Variants in FAF1 observed in about 807,000 individuals in gnomAD.
FAF1 encodes the protein Fas associated factor 1, also known as FAS-associated factor 1.
FAF1 carries 25 observed loss-of-function variants against 92.5 expected under a neutral mutation model. The ratio of observed to expected loss-of-function variants is 0.27; its 90% CI spans 0.20 to 0.38. The LOEUF (loss-of-function observed/expected upper bound fraction) is 0.38, where lower values mean the gene tolerates loss of function less well. Among genes scored for constraint, FAF1 ranks in the 10% least tolerant of loss-of-function variants. The probability of loss-of-function intolerance (pLI) is 1.00; values close to 1 mark genes in which losing one functional copy is unlikely to be tolerated. For missense variants in FAF1, 636 were observed against 793.3 expected (o/e 0.80, Z 2.38); for synonymous variants, 234 against 273.2 (o/e 0.86, Z 1.42).
chr1:50,530,604 T>C (rs2149035158), intron 15 of FAF1, among the ~76,000 whole-genome samples: 1 of 152,234 alleles, frequency 6.6e-6, no homozygotes, highest in Admixed American at 6.5e-5. Flanking sequence ...CAATGATAAC[T>C]TAATTGTATA....
intron 12 of FAF1, among the ~76,000 whole-genome samples, chr1:50,568,315 T>C (rs1455071956): frequency 6.6e-6 from 1 of 152,066 alleles, no homozygotes; most frequent in African/African-American, 2.4e-5. Flanking sequence ...AAGAATGTGA[T>C]GACAGCAAAT....
At chr1:50,627,211 C>T (rs1336974359) in intron 8 of FAF1, among the ~76,000 whole-genome samples, 1 of 151,940 alleles carries the variant, frequency 6.6e-6, no homozygotes, top group East Asian at 1.9e-4. Flanking sequence ...ATAAAGAATA[C>T]CTAGGAAGAA....
intron 12 of FAF1, among the ~76,000 whole-genome samples, chr1:50,575,069 C>T (rs534968857): frequency 1.5e-3 from 233 of 151,766 alleles, no homozygotes; most frequent in Non-Finnish European, 1.9e-3. Flanking sequence ...CCACCACGCC[C>T]GGCTAATTTT....
At position 50,632,624 on chromosome 1, in the gene FAF1, T is replaced by A. The variant is rs200384817; in HGVS notation, c.744+22818A>T. On this transcript the variant is annotated intron_variant, in intron 8 of 18. Coordinates refer to ENST00000396153, the MANE Select transcript of FAF1 (RefSeq NM_007051.3). Reference sequence around the variant, plus strand: ...AAATGCTTCCTATCTCCCAGCAGATTCGCATGGTTCAATTTGGGGTAGTGT... The same window carrying A: ...AAATGCTTCCTATCTCCCAGCAGATACGCATGGTTCAATTTGGGGTAGTGT... 1.5e-3 allele frequency among the ~76,000 whole-genome samples: 223 copies of A among 152,310 alleles called. 1 individual carries two copies. The highest frequency in any genetic ancestry group is 5.8e-3 in the Admixed American group (89 of 15,292).
At chr1:50,696,621 T>C (rs1338118528) in intron 7 of FAF1, among the ~76,000 whole-genome samples, 1 of 152,226 alleles carries the variant, frequency 6.6e-6, no homozygotes, top group African/African-American at 2.4e-5. Context: ...GGATACCATA[T>C]ATCTCTGGAT....
At chr1:50,603,184 T>G (rs1157291772) in intron 8 of FAF1, among the ~76,000 whole-genome samples, 2 of 152,224 alleles carry the variant, frequency 1.3e-5, no homozygotes, top group Non-Finnish European at 1.5e-5. Context: ...TTTCTTTGGC[T>G]TAATTAAAAC....
At chr1:50,909,727 A>T (rs1047314810) in intron 1 of FAF1, among the ~76,000 whole-genome samples, 11 of 152,144 alleles carry the variant, frequency 7.2e-5, no homozygotes. Flanking sequence ...CAGCTTCATC[A>T]GGTCATTTAA....
chr1:50,704,819 T>C (rs191443012), intron 7 of FAF1, among the ~76,000 whole-genome samples: 3 of 152,246 alleles, frequency 2.0e-5, no homozygotes, highest in Admixed American at 2.0e-4. Context: ...TCATGTCAAA[T>C]TCAGAAGCTG....
In FAF1 at chr1:50,500,509, A is replaced by G. The variant is rs148569163; in HGVS notation, c.1495-8708T>C. Among the ~76,000 whole-genome samples the G allele has an allele frequency of 3.4e-3, 521 of 152,296 alleles. 1 individual carries two copies. Among genetic ancestry groups the G allele is most frequent in the African/African-American group, 0.012 (502 of 41,576 alleles). ...CTTCAATACATACATCACACTATAT[A>G]CAAAATTTAACTGAAGTGGATCATA... On this transcript the variant is annotated intron_variant, in intron 15 of 18. Coordinates refer to ENST00000396153, the MANE Select transcript of FAF1 (RefSeq NM_007051.3).
chr1:50,862,488 T>G (rs747567862), intron 1 of FAF1, among the ~76,000 whole-genome samples: 1 of 151,824 alleles, frequency 6.6e-6, no homozygotes, highest in East Asian at 1.9e-4. Flanking sequence ...CACAGTCAGA[T>G]AGAGGAATAA....
intron 1 of FAF1, among the ~76,000 whole-genome samples, chr1:50,894,148 A>T (rs1420249106): frequency 1.3e-5 from 2 of 151,796 alleles, no homozygotes; most frequent in Admixed American, 1.3e-4. Flanking sequence ...AAAATATAAA[A>T]ATTAGCCAGG....
intron 2 of FAF1, among the ~76,000 whole-genome samples, chr1:50,805,227 G>T (rs2124597562): frequency 6.6e-6 from 1 of 152,226 alleles, no homozygotes; most frequent in African/African-American, 2.4e-5. Flanking sequence ...AGAACATCTT[G>T]CCTTGACCTA....
chr1:50,753,961 T>C (rs2124514682), intron 4 of FAF1, among the ~76,000 whole-genome samples: 1 of 152,164 alleles, frequency 6.6e-6, no homozygotes, highest in Admixed American at 6.5e-5. Flanking sequence ...TTTCAACACG[T>C]TGGCCAGGCT....
intron 7 of FAF1, among the ~76,000 whole-genome samples, chr1:50,684,921 G>C (rs989167424): frequency 6.6e-6 from 1 of 152,164 alleles, no homozygotes; most frequent in Non-Finnish European, 1.5e-5. Context: ...TAGGCTATAA[G>C]ATGGCCTAAA....
At chr1:50,674,952 G>A (rs867972387) in intron 7 of FAF1, among the ~76,000 whole-genome samples, 32 of 151,748 alleles carry the variant, frequency 2.1e-4, no homozygotes, top group African/African-American at 7.3e-4. Context: ...GTGCAGTGGC[G>A]CGATCTTGGC....
chr1:50,944,835 A>G (rs559142207), intron 1 of FAF1, among the ~76,000 whole-genome samples: 3 of 152,290 alleles, frequency 2.0e-5, no homozygotes, highest in South Asian at 4.2e-4. Flanking sequence ...AAGAAACATC[A>G]TGCCTAAAAT....
At chr1:50,690,483 C>G (rs1656870403) in intron 7 of FAF1, among the ~76,000 whole-genome samples, 2 of 151,986 alleles carry the variant, frequency 1.3e-5, no homozygotes, top group Admixed American at 6.6e-5. Context: ...CGTCTGTAAT[C>G]CCAGCTATTC....
At chr1:50,492,903 T>C (rs1241832733) in intron 15 of FAF1, among the ~76,000 whole-genome samples, 1 of 152,208 alleles carries the variant, frequency 6.6e-6, no homozygotes, top group East Asian at 1.9e-4. Flanking sequence ...TGCTTCCTAA[T>C]CTTTCAAATA....
intron 1 of FAF1, among the ~76,000 whole-genome samples, chr1:50,889,620 G>A (rs570257074): frequency 7.9e-5 from 12 of 152,146 alleles, no homozygotes; most frequent in South Asian, 2.1e-4. Flanking sequence ...ATTTCGTTAT[G>A]TACCCAGTAG....
Sources: gnomAD v4.1 joint callset for allele counts (sites outside exome capture counted in the v4.1 genomes callset) on GRCh38, gnomAD v4.1.1 for gene constraint, MANE v1.5 for transcripts, NCBI Gene and HGNC (gene_info 2026-07-23, HGNC 2026-07-21) for gene names.